Variants in EDA observed in about 807,000 individuals in gnomAD.
EDA encodes the protein ectodysplasin A.
A neutral mutation model predicts 23.6 loss-of-function variants in EDA; 2 were observed. The observed-to-expected ratio is 0.08, with a 90% confidence interval of 0.03 to 0.27. EDA has a LOEUF of 0.27. EDA is among the 10% of genes least tolerant of loss of function. The probability of loss-of-function intolerance (pLI) is 1.00; values close to 1 mark genes in which losing one functional copy is unlikely to be tolerated. For missense variants in EDA, 229 were observed against 324.2 expected (o/e 0.71, Z 2.26); for synonymous variants, 131 against 132.0 (o/e 0.99, Z 0.05).
intron 1 of EDA, among the ~76,000 whole-genome samples, chrX:69,739,146 T>G (rs144553425): frequency 6.0e-4 from 67 of 111,625 alleles, no homozygotes; most frequent in Non-Finnish European, 1.1e-3. Context: ...TTGTTAGATT[T>G]TGCTTCATGT....
chrX:69,999,223 G>A (rs2019705094), intron 2 of EDA, among the ~76,000 whole-genome samples: 1 of 112,030 alleles, frequency 8.9e-6, no homozygotes, highest in South Asian at 3.7e-4. Flanking sequence ...TCTCAAGAAA[G>A]TGTCACACAC....
chrX:69,893,918 G>A (rs1269589665), intron 1 of EDA, among the ~76,000 whole-genome samples: 1 of 111,808 alleles, frequency 8.9e-6, no homozygotes, highest in Non-Finnish European at 1.9e-5. Context: ...TGAATTCTAA[G>A]GTCTCCCCCA....
intron 1 of EDA, among the ~76,000 whole-genome samples, chrX:69,832,319 G>A (rs1314111311): frequency 9.0e-6 from 1 of 111,239 alleles, no homozygotes; most frequent in Admixed American, 9.6e-5. Context: ...TCTTGTATTT[G>A]TCAAATTGTC....
chrX:69,878,502 A>G lies in EDA; in HGVS notation c.397-78525A>G, dbSNP rs150188678. Reference sequence around the variant, plus strand: ...TCTCATCCGCTAAAACACAATTGCAATGCCATTTACATGCAGAACAGACGT... The same window carrying G: ...TCTCATCCGCTAAAACACAATTGCAGTGCCATTTACATGCAGAACAGACGT... On this transcript the variant is annotated intron_variant, in intron 1 of 7. Coordinates refer to ENST00000374552, the MANE Select transcript of EDA (RefSeq NM_001399.5). 6.5e-3 allele frequency among the ~76,000 whole-genome samples: 732 copies of G among 112,428 alleles called. 4 individuals carry two copies. The highest frequency in any genetic ancestry group is 0.022 in the African/African-American group (691 of 30,940).
At chrX:69,910,558 C>T (rs1179711769) in intron 1 of EDA, among the ~76,000 whole-genome samples, 1 of 110,257 alleles carries the variant, frequency 9.1e-6, no homozygotes, top group Non-Finnish European at 1.9e-5. Flanking sequence ...TCCTCTCCTT[C>T]TAAGATTTCA....
chrX:69,803,923 C>T (rs1341526605), intron 1 of EDA, among the ~76,000 whole-genome samples: 3 of 110,471 alleles, frequency 2.7e-5, no homozygotes, highest in Non-Finnish European at 5.7e-5. Flanking sequence ...GTTTAATTTT[C>T]TGTTCCTTAT....
At chrX:69,899,310 C>T (rs1490156964) in intron 1 of EDA, among the ~76,000 whole-genome samples, 1 of 111,865 alleles carries the variant, frequency 8.9e-6, no homozygotes, top group Non-Finnish European at 1.9e-5. Context: ...CTAGCAATTG[C>T]TTTACCATTG....
intron 1 of EDA, among the ~76,000 whole-genome samples, chrX:69,809,692 G>A (rs2015898361): frequency 3.6e-5 from 4 of 111,451 alleles, no homozygotes; most frequent in Admixed American, 2.8e-4. Context: ...AACAGTATAA[G>A]AGGTACTTTG....
intron 1 of EDA, among the ~76,000 whole-genome samples, chrX:69,952,974 C>A (rs983594721): frequency 3.6e-5 from 4 of 111,428 alleles, no homozygotes; most frequent in African/African-American, 6.5e-5. Flanking sequence ...TTCAAAATAT[C>A]TTTTCCTAGA....
At chrX:69,783,600 C>T (rs2015033741) in intron 1 of EDA, among the ~76,000 whole-genome samples, 1 of 110,937 alleles carries the variant, frequency 9.0e-6, no homozygotes, top group Admixed American at 9.6e-5. Context: ...ATCCATGTCC[C>T]TACAAAGGAC....
At chrX:69,827,370 C>G (rs2016474089) in intron 1 of EDA, among the ~76,000 whole-genome samples, 1 of 111,787 alleles carries the variant, frequency 8.9e-6, no homozygotes, top group Non-Finnish European at 1.9e-5. Flanking sequence ...TTCACATAGT[C>G]CCATATTTCT....
rs199541321 is a variant in EDA, at chrX:69,766,053, C to CA, written c.396+149351dup. ...GATTTATCTAAGTTTTTGTCTGTAT[C>CA]AATAGTTTGTTCGTTGTTATTGCTG... On this transcript the variant is annotated intron_variant, in intron 1 of 7. Coordinates refer to ENST00000374552, the MANE Select transcript of EDA (RefSeq NM_001399.5). Among the ~76,000 whole-genome samples the CA allele has an allele frequency of 4.0e-3, 444 of 111,837 alleles. 1 individual carries two copies. Among genetic ancestry groups the CA allele is most frequent in the Non-Finnish European group, 6.3e-3 (334 of 53,127 alleles).
chrX:69,673,209 T>C (rs747791506), intron 1 of EDA, among the ~76,000 whole-genome samples: 1 of 111,259 alleles, frequency 9.0e-6, no homozygotes, highest in African/African-American at 3.3e-5. Flanking sequence ...CTAAGCTGGA[T>C]AGGGAAGGAA....
intron 1 of EDA, chrX:69,742,951 G>C (rs886653407): frequency 1.8e-5 from 2 of 111,080 alleles, no homozygotes; most frequent in African/African-American, 6.6e-5. Context: ...CATCCTGGCT[G>C]TAAGTTAGAT....
At chrX:70,011,005 A>G (rs2019868019) in intron 2 of EDA, among the ~76,000 whole-genome samples, 1 of 111,880 alleles carries the variant, frequency 8.9e-6, no homozygotes, top group South Asian at 3.8e-4. Context: ...AACTATATCA[A>G]CCATATTTGT....
rs1216601281 is a variant in EDA, at chrX:69,713,520, C to T, written c.396+96816C>T. Among the ~76,000 whole-genome samples, 5 of 111,616 alleles carry T rather than the reference C, an allele frequency of 4.5e-5. No individual in the cohort carries two copies. The East Asian group carries it at 1.1e-3, about 25-fold the overall frequency. Reference sequence around the variant, plus strand: ...AACACACCCGCTGCCTCCTTGTGTACCCTCCCTTTACCCCATGTCTAACCC... The same window carrying T: ...AACACACCCGCTGCCTCCTTGTGTATCCTCCCTTTACCCCATGTCTAACCC... On this transcript the variant is annotated intron_variant, in intron 1 of 7. Transcript: ENST00000374552.
intron 1 of EDA, among the ~76,000 whole-genome samples, chrX:69,929,706 T>TTGTGTGTGTGTG (rs4007701): frequency 3.6e-5 from 3 of 84,332 alleles, no homozygotes; most frequent in Non-Finnish European, 7.0e-5. Flanking sequence ...CATTCTATTT[T>TTGTGTGTGTGTG]TGTGTGTGTG....
At chrX:69,619,666 G>C (rs1932103563) in intron 1 of EDA, among the ~76,000 whole-genome samples, 1 of 111,846 alleles carries the variant, frequency 8.9e-6, no homozygotes, top group Non-Finnish European at 1.9e-5. Context: ...GATTTGTCTG[G>C]ATAGTTGGTG....
intron 1 of EDA, among the ~76,000 whole-genome samples, chrX:69,739,347 T>A (rs1003214878): frequency 9.0e-6 from 1 of 111,536 alleles, no homozygotes; most frequent in Non-Finnish European, 1.9e-5. Flanking sequence ...TCTTTTCCAT[T>A]ATTTTACTTT....
Sources: gnomAD v4.1 joint callset for allele counts (sites outside exome capture counted in the v4.1 genomes callset) on GRCh38, gnomAD v4.1.1 for gene constraint, MANE v1.5 for transcripts, NCBI Gene and HGNC (gene_info 2026-07-23, HGNC 2026-07-21) for gene names.